Variants in CCDC192 observed in about 807,000 individuals in gnomAD.
CCDC192 encodes coiled-coil domain-containing protein 192.
intron 2 of CCDC192, among the ~76,000 whole-genome samples, chr5:127,719,436 CACAT>C (rs1231813766): frequency 4.8e-5 from 7 of 146,194 alleles, no homozygotes; most frequent in Admixed American, 1.4e-4. Flanking sequence ...TATATACACA[CACAT>C]ACATATATAT....
intron 5 of CCDC192, among the ~76,000 whole-genome samples, chr5:127,852,055 G>A (rs1750820105): frequency 6.6e-6 from 1 of 152,114 alleles, no homozygotes. Flanking sequence ...CTAGTTTTAT[G>A]GTCCCCTCTC....
intron 3 of CCDC192, among the ~76,000 whole-genome samples, chr5:127,779,519 T>C (rs1475000567): frequency 6.6e-6 from 1 of 152,024 alleles, no homozygotes; most frequent in Non-Finnish European, 1.5e-5. Context: ...ACAGTCTCGA[T>C]CTCCTGACCC....
chr5:127,779,891 C>T (rs1034735358), intron 3 of CCDC192, among the ~76,000 whole-genome samples: 5 of 151,994 alleles, frequency 3.3e-5, no homozygotes, highest in African/African-American at 9.7e-5. Flanking sequence ...CCCCTCCCAC[C>T]CTTTCCCCTA....
At chr5:127,710,212 T>C (rs536650860) in intron 2 of CCDC192, among the ~76,000 whole-genome samples, 1 of 152,322 alleles carries the variant, frequency 6.6e-6, no homozygotes, top group East Asian at 1.9e-4. Context: ...GGGATATCCA[T>C]GATTACTGCT....
intron 5 of CCDC192, among the ~76,000 whole-genome samples, chr5:127,805,163 A>G (rs1383311198): frequency 6.6e-6 from 1 of 152,210 alleles, no homozygotes; most frequent in African/African-American, 2.4e-5. Context: ...TCTACTGTAA[A>G]GTGACAGCAG....
rs560820280 is a variant in CCDC192, at chr5:127,858,915, A to C, written c.412-16623A>C. Among the ~76,000 whole-genome samples the C allele has an allele frequency of 1.2e-4, 18 of 148,930 alleles. 1 individual carries two copies. In the South Asian group the frequency reaches 3.4e-3, roughly 28 times the overall value. On this transcript the variant is annotated intron_variant, in intron 5 of 6. Transcript: ENST00000514853. ...AAATCATCATCAAGGGGCTCAAATTATTTGACACTTTTGTGTGCTTATAAA... is the reference window on the plus strand; with the variant it reads ...AAATCATCATCAAGGGGCTCAAATTCTTTGACACTTTTGTGTGCTTATAAA...
At position 127,730,076 on chromosome 5, in the gene CCDC192, T is replaced by A. The variant is rs190781441; in HGVS notation, c.114+22316T>A. ...AAAAACCCTTCCAAAAATCAATTAA[T>A]CCAGGACCTGCTTTTATGAAAAAAT... On this transcript the variant is annotated intron_variant, in intron 2 of 6. Transcript: ENST00000514853. 1.9e-4 allele frequency among the ~76,000 whole-genome samples: 29 copies of A among 151,872 alleles called. No homozygotes were observed. The East Asian group carries it at 5.0e-3, about 26-fold the overall frequency.
chr5:127,836,856 C>G lies in CCDC192; in HGVS notation c.412-38682C>G, dbSNP rs1207087273. Among the ~76,000 whole-genome samples the G allele has an allele frequency of 2.4e-5, 2 of 81,746 alleles. 1 individual carries two copies. The highest frequency in any genetic ancestry group is 5.9e-5 in the Non-Finnish European group (2 of 34,128). 53.6% of individuals were successfully genotyped at this position (81,746 alleles called of 152,430 possible). A position where few individuals can be genotyped will look rare whatever the true frequency, so the allele number is the denominator to read the frequency against. On this transcript the variant is annotated intron_variant, in intron 5 of 6. Coordinates refer to ENST00000514853, the MANE Select transcript of CCDC192 (RefSeq NM_001317938.2). ...TGATGGCAGGGGCTGCTATGAAGGT[C>G]TCTGACATGCCCTGGAGACATTTTC...
At chr5:127,706,463 G>A (rs1304917949) in intron 1 of CCDC192, among the ~76,000 whole-genome samples, 1 of 148,632 alleles carries the variant, frequency 6.7e-6, no homozygotes, top group Non-Finnish European at 1.5e-5. Context: ...GGAAGTGGAG[G>A]CAGTGAGCCG....
At chr5:127,871,492 G>A (rs1353052872) in intron 5 of CCDC192, among the ~76,000 whole-genome samples, 1 of 152,130 alleles carries the variant, frequency 6.6e-6, no homozygotes, top group African/African-American at 2.4e-5. Flanking sequence ...TGTTTTAAGA[G>A]TAATGACAAA....
At chr5:127,702,867 G>C (rs538479462), upstream of CCDC192, among the ~76,000 whole-genome samples, 50 of 152,358 alleles carry the variant, frequency 3.3e-4, no homozygotes, top group South Asian at 0.01. Context: ...TGGAGCAGCA[G>C]TTGCAGGTGA....
At chr5:127,855,180 A>G (rs1394572802) in intron 5 of CCDC192, among the ~76,000 whole-genome samples, 1 of 152,164 alleles carries the variant, frequency 6.6e-6, no homozygotes, top group East Asian at 1.9e-4. Flanking sequence ...CACACTATTT[A>G]ATAGCATGTT....
At chr5:127,893,881 C>T (rs1055442543) in intron 6 of CCDC192, among the ~76,000 whole-genome samples, 4 of 151,702 alleles carry the variant, frequency 2.6e-5, no homozygotes, top group African/African-American at 9.7e-5. Flanking sequence ...TAAGACAGAC[C>T]TCCTGTATCT....
intron 2 of CCDC192, among the ~76,000 whole-genome samples, chr5:127,730,682 G>C (rs1193804583): frequency 1.3e-5 from 2 of 152,114 alleles, no homozygotes; most frequent in Admixed American, 1.3e-4. Flanking sequence ...GATCAAGTCA[G>C]CTTCATCCCC....
At chr5:127,890,570 A>T (rs1451587312) in intron 6 of CCDC192, among the ~76,000 whole-genome samples, 4 of 151,998 alleles carry the variant, frequency 2.6e-5, no homozygotes, top group Admixed American at 2.6e-4. Flanking sequence ...GGTCCTTCAC[A>T]GATAGTCTCA....
At chr5:127,801,104 G>A (rs1757486132) in intron 5 of CCDC192, among the ~76,000 whole-genome samples, 1 of 152,098 alleles carries the variant, frequency 6.6e-6, no homozygotes, top group Admixed American at 6.6e-5. Flanking sequence ...CAGAGCAAAA[G>A]TGTAACACTC....
intron 2 of CCDC192, among the ~76,000 whole-genome samples, chr5:127,733,544 T>C (rs144798290): frequency 6.6e-6 from 1 of 152,240 alleles, no homozygotes; most frequent in Non-Finnish European, 1.5e-5. Flanking sequence ...ACAGAACCCA[T>C]ACTAGTTAGG....
chr5:127,821,423 C>T (rs767284592), intron 5 of CCDC192, among the ~76,000 whole-genome samples: 17 of 152,192 alleles, frequency 1.1e-4, no homozygotes, highest in East Asian at 1.9e-4. Flanking sequence ...TCCAAAAAGT[C>T]ATCCCAGACC....
chr5:127,915,014 A>G (rs1753478741), intron 6 of CCDC192, among the ~76,000 whole-genome samples: 2 of 152,206 alleles, frequency 1.3e-5, no homozygotes, highest in Non-Finnish European at 2.9e-5. Context: ...CTGACAATAG[A>G]AAACTAAGGG....
Sources: allele counts gnomAD v4.1 joint callset (sites outside exome capture counted in the v4.1 genomes callset), GRCh38; gene constraint gnomAD v4.1.1; transcripts MANE v1.5; gene names NCBI Gene and HGNC (gene_info 2026-07-23, HGNC 2026-07-21).